The following RARB variants were observed in gnomAD, a reference collection of about 807,000 sequenced individuals.
RARB encodes HBV-activated protein.
Under a neutral mutation model 51.9 loss-of-function variants are expected in RARB, and 17 were observed. That is an observed-to-expected ratio of 0.33 (90% CI 0.22 to 0.49). The LOEUF (loss-of-function observed/expected upper bound fraction) is 0.49, where lower values mean the gene tolerates loss of function less well. Among genes scored for constraint, RARB ranks in the 20% least tolerant of loss-of-function variants. The pLI, the probability that RARB is intolerant of heterozygous loss-of-function variation, is 0.99. For synonymous variants in RARB, 215 were observed against 195.4 expected (o/e 1.10, Z -0.84); for missense variants, 369 against 550.8 (o/e 0.67, Z 3.30).
chr3:24,937,703 C>A (rs1443039156), intron 2 of RARB, among the ~76,000 whole-genome samples: 1 of 152,082 alleles, frequency 6.6e-6, no homozygotes, highest in Non-Finnish European at 1.5e-5. Flanking sequence ...TATTGCTCCT[C>A]ACTGTTGGGG....
intron 5 of RARB, among the ~76,000 whole-genome samples, chr3:25,230,247 C>T (rs565821793): frequency 5.9e-5 from 9 of 152,072 alleles, no homozygotes; most frequent in East Asian, 3.9e-4. Context: ...CCCCTAAAAC[C>T]GAACATACTT....
intron 5 of RARB, among the ~76,000 whole-genome samples, chr3:25,285,812 A>G (rs1440800056): frequency 3.9e-5 from 6 of 152,130 alleles, no homozygotes; most frequent in African/African-American, 1.4e-4. Flanking sequence ...ATTATGTACA[A>G]TATGTTCCAT....
intron 2 of RARB, among the ~76,000 whole-genome samples, chr3:25,047,514 C>A (rs1698241337): frequency 6.6e-6 from 1 of 152,162 alleles, no homozygotes; most frequent in African/African-American, 2.4e-5. Flanking sequence ...TATTGGATGT[C>A]ATAGCAAATG....
At chr3:24,977,481 C>T (rs576657418) in intron 2 of RARB, among the ~76,000 whole-genome samples, 33 of 152,182 alleles carry the variant, frequency 2.2e-4, no homozygotes, top group Admixed American at 7.8e-4. Flanking sequence ...CTTCACATCC[C>T]TTGTAAGTTG....
intron 1 of RARB, among the ~76,000 whole-genome samples, chr3:25,433,752 A>T (rs984253228): frequency 1.3e-5 from 2 of 152,206 alleles, no homozygotes; most frequent in African/African-American, 4.8e-5. Context: ...CAACCTCATC[A>T]GTCAATATGT....
At chr3:25,264,743 T>C (rs2125408417) in intron 5 of RARB, among the ~76,000 whole-genome samples, 1 of 152,252 alleles carries the variant, frequency 6.6e-6, no homozygotes, top group South Asian at 2.1e-4. Context: ...TTTCAGATGG[T>C]TTTTCCTTCT....
At chr3:25,503,451 T>C (rs139797314) in intron 3 of RARB, among the ~76,000 whole-genome samples, 1 of 152,270 alleles carries the variant, frequency 6.6e-6, no homozygotes, top group African/African-American at 2.4e-5. Context: ...GGAGACCCAT[T>C]TCCTGCTTAC....
intron 5 of RARB, among the ~76,000 whole-genome samples, chr3:25,253,292 GTA>G (rs1702775984): frequency 6.6e-6 from 1 of 152,024 alleles, no homozygotes; most frequent in Non-Finnish European, 1.5e-5. Flanking sequence ...TTGTACATCC[GTA>G]TTTTGCCTAT....
chr3:25,153,801 G>A (rs1183463793), intron 4 of RARB, among the ~76,000 whole-genome samples: 1 of 152,172 alleles, frequency 6.6e-6, no homozygotes. Context: ...CTGCAAGTGA[G>A]AACATGTGAT....
At chr3:25,042,945 T>C (rs1310175325) in intron 2 of RARB, among the ~76,000 whole-genome samples, 1 of 152,234 alleles carries the variant, frequency 6.6e-6, no homozygotes, top group Admixed American at 6.5e-5. Flanking sequence ...TGTGGCTCTG[T>C]ACAAAGCTTC....
At chr3:25,460,350 C>CT (rs1385447035) in intron 1 of RARB, among the ~76,000 whole-genome samples, 4 of 152,124 alleles carry the variant, frequency 2.6e-5, no homozygotes, top group African/African-American at 9.7e-5. Context: ...CTGCATCATG[C>CT]TAAAGACCCT....
At chr3:25,273,722 T>C (rs759865294) in intron 5 of RARB, among the ~76,000 whole-genome samples, 2 of 152,252 alleles carry the variant, frequency 1.3e-5, no homozygotes, top group Non-Finnish European at 2.9e-5. Flanking sequence ...AATCAACCTG[T>C]AAGTGCCTTA....
intron 5 of RARB, among the ~76,000 whole-genome samples, chr3:25,404,967 A>C (rs549849034): frequency 6.6e-6 from 1 of 152,214 alleles, no homozygotes; most frequent in East Asian, 1.9e-4. Context: ...CAGAAAAGAA[A>C]ATTTATTATA....
intron 2 of RARB, among the ~76,000 whole-genome samples, chr3:24,884,111 A>G (rs1703228191): frequency 6.6e-6 from 1 of 152,194 alleles, no homozygotes; most frequent in Admixed American, 6.5e-5. Context: ...ACTTCAAAAA[A>G]TGTAACAGCT....
chr3:25,470,362 G>A (rs145173234), intron 2 of RARB, among the ~76,000 whole-genome samples: 13 of 152,352 alleles, frequency 8.5e-5, no homozygotes, highest in African/African-American at 3.1e-4. Flanking sequence ...ATGAATGAAT[G>A]AGCAAGGAAA....
intron 3 of RARB, among the ~76,000 whole-genome samples, chr3:25,565,128 G>T (rs548510401): frequency 2.0e-5 from 3 of 152,092 alleles, no homozygotes; most frequent in Non-Finnish European, 2.9e-5. Flanking sequence ...TACTCACTAC[G>T]CTGTGGACTG....
chr3:25,286,190 G>GT (rs1703649836), intron 5 of RARB, among the ~76,000 whole-genome samples: 2 of 122,260 alleles, frequency 1.6e-5, no homozygotes, highest in South Asian at 5.1e-4. Flanking sequence ...CCGGGTTCAC[G>GT]CCATTCTCCT....
intron 5 of RARB, among the ~76,000 whole-genome samples, chr3:25,394,733 G>A (rs1180643142): frequency 6.6e-6 from 1 of 151,816 alleles, no homozygotes; most frequent in African/African-American, 2.4e-5. Context: ...TTCTTGTTTT[G>A]GTGTCCATTT....
intron 1 of RARB, among the ~76,000 whole-genome samples, chr3:25,457,854 G>A (rs1011671015): frequency 6.6e-6 from 1 of 152,118 alleles, no homozygotes; most frequent in Non-Finnish European, 1.5e-5. Flanking sequence ...CTACACGAAC[G>A]AGTAGGACCT....
Sources: gnomAD v4.1 joint callset for allele counts (sites outside exome capture counted in the v4.1 genomes callset) on GRCh38, gnomAD v4.1.1 for gene constraint, MANE v1.5 for transcripts, NCBI Gene and HGNC (gene_info 2026-07-23, HGNC 2026-07-21) for gene names.